Variants in ZNF721 observed in about 807,000 individuals in gnomAD.
The protein encoded by ZNF721 is zinc finger protein 721.
ZNF721 carries 2 observed loss-of-function variants against 2.4 expected under a neutral mutation model. The ratio of observed to expected loss-of-function variants is 0.82; its 90% CI spans 0.34 to 2.58. The LOEUF (loss-of-function observed/expected upper bound fraction) is 2.58, where lower values mean the gene tolerates loss of function less well. Ranked by LOEUF, ZNF721 falls within the 30% of genes most tolerant of loss-of-function variation. ZNF721 has a pLI of 0.11. For synonymous variants in ZNF721, 398 were observed against 381.8 expected, an observed-to-expected ratio of 1.04 and a Z score of -0.50; for missense variants, 1,187 against 1,085.5, an observed-to-expected ratio of 1.09 and a Z score of -1.31.
chr4:470,689 G>A (rs551140658), intron 2 of ZNF721, among the ~76,000 whole-genome samples: 7 of 152,052 alleles, frequency 4.6e-5, no homozygotes, highest in South Asian at 2.1e-4. Flanking sequence ...ACTCCAGCCC[G>A]GGCAACAAGA....
chr4:495,032 G>A (rs1716114377), intron 1 of ZNF721, among the ~76,000 whole-genome samples: 2 of 151,848 alleles, frequency 1.3e-5, no homozygotes, highest in Admixed American at 6.6e-5. Flanking sequence ...ACAGGCGCCG[G>A]CCACCATGCC....
At chr4:478,179 G>C (rs1715681914) in intron 1 of ZNF721, among the ~76,000 whole-genome samples, 1 of 152,014 alleles carries the variant, frequency 6.6e-6, no homozygotes, top group African/African-American at 2.4e-5. Context: ...TTGCCTCTTG[G>C]CTGAATTATT....
Position 444,380 on chromosome 4 carries a change from A to G in ZNF721, c.87T>C (p.Asp29=). 6.2e-7 allele frequency: 1 copy of G among 1,612,396 alleles called. No homozygotes were observed. Among genetic ancestry groups the G allele is most frequent in the Non-Finnish European group, 8.5e-7 (1 of 1,179,212 alleles). The change falls in exon 3 of 3, where the codon GAT becomes GAC. Residue 29 remains aspartate, a synonymous_variant. Coordinates refer to ENST00000511833, the MANE Select transcript of ZNF721 (RefSeq NM_133474.4). ...TTCTCAGTATAAGTTTGTGGAATGA[A>G]TCTTCTATCCCCTGCACTGGCAAAA... The part of the protein sequence containing the change: ...QDFLPVQGIE[D]SFHKLILRRY...
intron 2 of ZNF721, among the ~76,000 whole-genome samples, chr4:458,585 G>A (rs1393631104): frequency 1.3e-5 from 2 of 152,154 alleles, no homozygotes; most frequent in Non-Finnish European, 2.9e-5. Context: ...GGTAGCTCAC[G>A]CCTGTAATCC....
At chr4:494,958 C>A (rs1055300396) in intron 1 of ZNF721, among the ~76,000 whole-genome samples, 3 of 149,502 alleles carry the variant, frequency 2.0e-5, no homozygotes, top group Non-Finnish European at 4.4e-5. Context: ...GGCGCCATCT[C>A]GGCTCACTGC....
intron 2 of ZNF721, among the ~76,000 whole-genome samples, chr4:450,957 ATAT>A (rs1202057328): frequency 1.5e-3 from 49 of 33,622 alleles, no homozygotes; most frequent in African/African-American, 5.4e-3. Context: ...AAAAAAAAAA[ATAT>A]ATATATATAT....
intron 1 of ZNF721, 32 bp downstream of exon 1, chr4:499,024 T>C (rs1553873549): frequency 4.8e-6 from 2 of 415,550 alleles, no homozygotes; most frequent in African/African-American, 2.1e-5. Flanking sequence ...GCACCCTGCC[T>C]TCCAAATTAA....
chr4:470,146 T>G (rs1715388003), intron 2 of ZNF721, among the ~76,000 whole-genome samples: 1 of 152,160 alleles, frequency 6.6e-6, no homozygotes, highest in Admixed American at 6.5e-5. Flanking sequence ...CCTCCCAAAG[T>G]GCTGGGATTA....
chr4:481,504 C>T (rs150871515), intron 1 of ZNF721, among the ~76,000 whole-genome samples: 1 of 151,938 alleles, frequency 6.6e-6, no homozygotes, highest in East Asian at 1.9e-4. Context: ...GACCTTGGTC[C>T]ATTTATTAAA....
chr4:473,058 A>T (rs1715489081), intron 1 of ZNF721, among the ~76,000 whole-genome samples: 2 of 152,132 alleles, frequency 1.3e-5, no homozygotes, highest in Non-Finnish European at 2.9e-5. Context: ...TTTAAAAAAC[A>T]GAAATGTTTC....
rs187884821 is a variant in ZNF721 at position 480,447 on chromosome 4, T to A, written c.-93-7746A>T. Among the ~76,000 whole-genome samples, 252 of 152,372 alleles carry A rather than the reference T, an allele frequency of 1.7e-3. 1 individual carries two copies. Among genetic ancestry groups the A allele is most frequent in the African/African-American group, 5.9e-3 (246 of 41,588 alleles). ...ACATTGGTCATCTTTTATTTTTTAA[T>A]GTGTACAGTTTAGTAGTGCTAAGTA... On this transcript the variant is annotated intron_variant, in intron 1 of 2. Transcript: ENST00000511833.
At chr4:466,804 C>CA in intron 2 of ZNF721, among the ~76,000 whole-genome samples, 1 of 152,314 alleles carries the variant, frequency 6.6e-6, no homozygotes, top group East Asian at 1.9e-4. Flanking sequence ...GCCCCACCTA[C>CA]AACATTCAGG....
chr4:447,805 T>C (rs146928566), intron 2 of ZNF721, among the ~76,000 whole-genome samples: 1 of 150,412 alleles, frequency 6.6e-6, no homozygotes, highest in African/African-American at 2.5e-5. Context: ...AGAAAGGCCA[T>C]TAAACAATAA....
chr4:462,590 A>G (rs1489635336), intron 2 of ZNF721, among the ~76,000 whole-genome samples: 29 of 152,230 alleles, frequency 1.9e-4, no homozygotes, highest in Admixed American at 1.8e-3. Flanking sequence ...TGCCTCAGAA[A>G]TAACACCACA....
At chr4:451,363 GT>G (rs1714655311) in intron 2 of ZNF721, among the ~76,000 whole-genome samples, 1 of 152,138 alleles carries the variant, frequency 6.6e-6, no homozygotes, top group Admixed American at 6.6e-5. Flanking sequence ...ACAAAAACAA[GT>G]TGACCATTTT....
At chr4:463,789 G>C (rs578074486) in intron 2 of ZNF721, among the ~76,000 whole-genome samples, 1 of 152,224 alleles carries the variant, frequency 6.6e-6, no homozygotes, top group East Asian at 1.9e-4. Flanking sequence ...GATAGCATTA[G>C]GAGAAATACC....
chr4:450,663 G>A (rs544019140), intron 2 of ZNF721, among the ~76,000 whole-genome samples: 8 of 123,970 alleles, frequency 6.5e-5, no homozygotes, highest in East Asian at 4.4e-4. Context: ...AAAGCCGGGC[G>A]CGGTTGGCTC....
chr4:487,339 G>A (rs1349287008), intron 1 of ZNF721, among the ~76,000 whole-genome samples: 1 of 152,098 alleles, frequency 6.6e-6, no homozygotes, highest in Admixed American at 6.6e-5. Context: ...TTAACTTTCT[G>A]GAGAATAAAG....
At chr4:498,884 C>T (rs1553873442) in intron 1 of ZNF721, among the ~76,000 whole-genome samples, 172 bp downstream of exon 1, 1 of 152,124 alleles carries the variant, frequency 6.6e-6, no homozygotes, top group African/African-American at 2.4e-5. Context: ...GCCATCACGC[C>T]CCGCTAATTT....
Sources: allele counts gnomAD v4.1 joint callset (sites outside exome capture counted in the v4.1 genomes callset), GRCh38; gene constraint gnomAD v4.1.1; transcripts MANE v1.5; gene names NCBI Gene and HGNC (gene_info 2026-07-23, HGNC 2026-07-21).